The following ATP8B1 variants were observed in gnomAD, a reference collection of about 807,000 sequenced individuals.
The protein encoded by ATP8B1 is ATPase phospholipid transporting 8B1, also known as phospholipid-transporting ATPase IC.
In ATP8B1, 80 loss-of-function variants were observed where a neutral mutation model predicts 149.9. That is an observed-to-expected ratio of 0.53 (90% CI 0.45 to 0.64). The LOEUF (loss-of-function observed/expected upper bound fraction) is 0.64. ATP8B1 is among the 30% of genes least tolerant of loss of function. The pLI is 0.00. For synonymous variants in ATP8B1, 536 were observed against 562.8 expected, an observed-to-expected ratio of 0.95 and a Z score of 0.67; for missense variants, 1,247 against 1,552.6, an observed-to-expected ratio of 0.80 and a Z score of 3.31.
Position 57,661,281 on chromosome 18 carries a change from C to T in ATP8B1, c.2600G>A (p.Arg867His), listed in dbSNP as rs745546266. The T allele has an allele frequency of 5.0e-6, 8 of 1,613,792 alleles. No individual in the cohort carries two copies. Among genetic ancestry groups the T allele is most frequent in the Admixed American group, 1.7e-5 (1 of 59,964 alleles). The change falls in exon 22 of 28, where the codon CGC becomes CAC. Residue 867 changes from arginine to histidine, a missense_variant. This residue lies in a region of ATP8B1 where 230 missense variants were observed against 356.6 expected (regional missense o/e 0.65). Coordinates refer to ENST00000648908, the MANE Select transcript of ATP8B1 (RefSeq NM_001374385.1). ...ACECSAVICC[R>H]VTPKQKAMVV... Reference sequence around the variant, plus strand: ...CATGGCCTTCTGCTTGGGGGTGACGCGGCAGCAGATGACTGCGCTGCACTC... The same window carrying T: ...CATGGCCTTCTGCTTGGGGGTGACGTGGCAGCAGATGACTGCGCTGCACTC...
intron 2 of ATP8B1, 133 bp downstream of exon 2, chr18:57,731,494 C>T (rs370218613): frequency 1.7e-5 from 18 of 1,040,826 alleles, no homozygotes; most frequent in South Asian, 4.1e-5. Context: ...TTCTGTCAGT[C>T]GCATCCTAAG....
rs1568207489 is a variant in ATP8B1 at position 57,713,195 on chromosome 18, CT to C, written c.182-6609del. On this transcript the variant is annotated intron_variant, in intron 2 of 27. Coordinates refer to ENST00000648908, the MANE Select transcript of ATP8B1 (RefSeq NM_001374385.1). ...TCTTTCTTTCTTTCTTTCTTTCTTTCTTTCCTTCCTTCCTTCCTTCCTTCCT... is the reference window on the plus strand; with the variant it reads ...TCTTTCTTTCTTTCTTTCTTTCTTTCTTCCTTCCTTCCTTCCTTCCTTCCT... Among the ~76,000 whole-genome samples the C allele has an allele frequency of 1.9e-3, 155 of 79,800 alleles. 1 individual carries two copies. Among genetic ancestry groups the C allele is most frequent in the Middle Eastern group, 5.0e-3 (1 of 202 alleles). 52.4% of individuals were successfully genotyped at this position (79,800 alleles called of 152,430 possible).
intron 15 of ATP8B1, among the ~76,000 whole-genome samples, chr18:57,677,725 A>G (rs1245602369): frequency 6.6e-6 from 1 of 152,250 alleles, no homozygotes; most frequent in African/African-American, 2.4e-5. Context: ...TCTAGCAATC[A>G]TATACAAATG....
intron 24 of ATP8B1, among the ~76,000 whole-genome samples, 188 bp from the exon 25 acceptor site, chr18:57,652,917 A>G (rs919380634): frequency 6.6e-6 from 1 of 152,224 alleles, no homozygotes; most frequent in Non-Finnish European, 1.5e-5. Context: ...TGCTTAGACC[A>G]CCATTACTTA....
intron 1 of ATP8B1, among the ~76,000 whole-genome samples, chr18:57,785,579 C>A (rs1023693030): frequency 6.6e-6 from 1 of 152,174 alleles, no homozygotes; most frequent in South Asian, 2.1e-4. Flanking sequence ...AATCTCAGCT[C>A]TCTGCAAGCT....
chr18:57,796,850 A>C (rs2571221), intron 1 of ATP8B1, among the ~76,000 whole-genome samples: 22,395 of 152,050 alleles, frequency 0.15, 2,211 homozygotes, highest in East Asian at 0.44. Context: ...CCAGGGTTTC[A>C]CCATGTTGGC....
At chr18:57,722,249 G>A (rs2079654383) in intron 2 of ATP8B1, among the ~76,000 whole-genome samples, 1 of 151,256 alleles carries the variant, frequency 6.6e-6, no homozygotes, top group African/African-American at 2.4e-5. Flanking sequence ...ACTAAAATCA[G>A]AGCAGAACTG....
At chr18:57,707,464 A>G (rs147002667) in intron 2 of ATP8B1, among the ~76,000 whole-genome samples, 6 of 152,304 alleles carry the variant, frequency 3.9e-5, no homozygotes, top group African/African-American at 1.4e-4. Context: ...GAAATTAACA[A>G]TGAGTGTGGC....
chr18:57,666,067 A>G (rs11663874), intron 20 of ATP8B1, among the ~76,000 whole-genome samples: 28,413 of 152,130 alleles, frequency 0.19, 2,794 homozygotes, highest in Non-Finnish European at 0.22. Context: ...CAATTCCCTC[A>G]TCACTTTATC....
intron 11 of ATP8B1, among the ~76,000 whole-genome samples, chr18:57,694,319 G>T (rs532237943): frequency 6.6e-6 from 1 of 151,788 alleles, no homozygotes; most frequent in Non-Finnish European, 1.5e-5. Context: ...TCCAGTTCCC[G>T]TCATCAAAGC....
chr18:57,762,185 C>A (rs1182651621), intron 1 of ATP8B1, among the ~76,000 whole-genome samples: 2 of 151,020 alleles, frequency 1.3e-5, no homozygotes, highest in African/African-American at 2.4e-5. Flanking sequence ...GTTACCCAGG[C>A]TGTAGTGCAG....
chr18:57,669,989 G>T (rs1207474499), intron 17 of ATP8B1, among the ~76,000 whole-genome samples: 1 of 152,002 alleles, frequency 6.6e-6, no homozygotes, highest in Non-Finnish European at 1.5e-5. Context: ...CTTCTATAGG[G>T]TCCAGGACTG....
chr18:57,661,440 T>G lies in ATP8B1; in HGVS notation c.2441A>C (p.Lys814Thr). Reference protein sequence around the residue: ...SWLNEILLEKKTKRNKILKLK... With the variant: ...SWLNEILLEKTTKRNKILKLK... ...CTTCAGAATCTTATTTCTCTTGGTC[T>G]TTTTCTCGAGAAGAATTTCATTCTG... Residue 814 changes from lysine (K) to threonine (T), a missense_variant, in exon 22 of 28, where the codon AAG becomes ACG. Lys to Thr is a moderately conservative substitution (Grantham distance 78). Around this residue, in one of 3 missense-constraint regions of ATP8B1, gnomAD observed 853 missense variants for 1,035.7 expected, o/e 0.82. Transcript: ENST00000648908. 5 of 1,613,342 alleles carry G rather than the reference T, an allele frequency of 3.1e-6. No homozygotes were observed. Among genetic ancestry groups the G allele is most frequent in the Non-Finnish European group, 4.2e-6 (5 of 1,179,726 alleles).
intron 2 of ATP8B1, among the ~76,000 whole-genome samples, chr18:57,730,258 A>G (rs1388680934): frequency 6.6e-6 from 1 of 151,820 alleles, no homozygotes; most frequent in African/African-American, 2.4e-5. Context: ...GCATGGGGGA[A>G]AAAGAGGCTT....
rs138005601 is a variant in ATP8B1 at position 57,687,971 on chromosome 18, C to T, written c.1429+328G>A. Among the ~76,000 whole-genome samples the T allele has an allele frequency of 7.2e-5, 11 of 152,072 alleles. No individual in the cohort carries two copies. The East Asian group carries it at 1.4e-3, about 19-fold the overall frequency. ...TTAATTTTTGTATTATTAGTAGAGACGGGGTTTTGCCATGTTGGCAAGGCT... is the reference window on the plus strand; with the variant it reads ...TTAATTTTTGTATTATTAGTAGAGATGGGGTTTTGCCATGTTGGCAAGGCT... On this transcript the variant is annotated intron_variant, in intron 13 of 27. Coordinates refer to ENST00000648908, the MANE Select transcript of ATP8B1 (RefSeq NM_001374385.1).
chr18:57,693,034 A>T (rs180826065), intron 11 of ATP8B1, among the ~76,000 whole-genome samples: 3 of 152,224 alleles, frequency 2.0e-5, no homozygotes, highest in Non-Finnish European at 2.9e-5. Flanking sequence ...AGTGCCAAAC[A>T]GGCTCTTTGA....
intron 2 of ATP8B1, among the ~76,000 whole-genome samples, chr18:57,725,523 A>G (rs1190483142): frequency 6.6e-6 from 1 of 152,240 alleles, no homozygotes; most frequent in African/African-American, 2.4e-5. Flanking sequence ...AGAAATAGAA[A>G]AAAAATCCTA....
chr18:57,800,171 G>A (rs1006696151), intron 1 of ATP8B1, among the ~76,000 whole-genome samples: 7 of 152,142 alleles, frequency 4.6e-5, no homozygotes, highest in Non-Finnish European at 1.0e-4. Flanking sequence ...CAATTTAAAA[G>A]GCATCTCTTT....
Position 57,706,491 on chromosome 18 carries a change from G to A in ATP8B1, c.278C>T (p.Ala93Val), listed in dbSNP as rs909833944. The change falls in exon 3 of 28, where the codon GCG becomes GTG. Residue 93 changes from alanine to valine, a missense_variant and splice_region_variant. Coordinates refer to ENST00000648908, the MANE Select transcript of ATP8B1 (RefSeq NM_001374385.1). ...CAATTCAGAAAGTTAACAACTCACC[G>A]CATATTTACTCTCCTTAATACACAA... ...KFLCIKESKY[A>V]NNAIKTYKYN... 28 of 1,610,692 alleles carry A rather than the reference G, an allele frequency of 1.7e-5. 1 individual carries two copies. The highest frequency in any genetic ancestry group is 4.4e-5 in the South Asian group (4 of 90,984).
Sources: allele counts gnomAD v4.1 joint callset (sites outside exome capture counted in the v4.1 genomes callset), GRCh38; gene constraint gnomAD v4.1.1; regional missense constraint gnomAD v4.1.1; transcripts MANE v1.5; gene names NCBI Gene and HGNC (gene_info 2026-07-23, HGNC 2026-07-21).